The following SDK1 variants were observed in gnomAD, a reference collection of about 807,000 sequenced individuals.
The protein encoded by SDK1 is sidekick cell adhesion molecule 1.
A neutral mutation model predicts 245.5 loss-of-function variants in SDK1; 157 were observed. That is an observed-to-expected ratio of 0.64 (90% CI 0.56 to 0.73). SDK1 has a LOEUF of 0.73. SDK1 is among the 30% of genes least tolerant of loss of function. The pLI is 0.00. For missense variants in SDK1, 3,583 were observed against 3,002.3 expected, an observed-to-expected ratio of 1.19 and a Z score of -4.52; for synonymous variants, 1,647 against 1,278.5, an observed-to-expected ratio of 1.29 and a Z score of -6.15.
At chr7:3,440,759 A>G (rs905713752) in intron 1 of SDK1, among the ~76,000 whole-genome samples, 1 of 152,220 alleles carries the variant, frequency 6.6e-6, no homozygotes, top group Non-Finnish European at 1.5e-5. Flanking sequence ...AAACAGGACA[A>G]GTAAATTTAT....
chr7:3,784,973 C>A, intron 4 of SDK1, among the ~76,000 whole-genome samples: 1 of 152,162 alleles, frequency 6.6e-6, no homozygotes, highest in East Asian at 1.9e-4. Context: ...CAGCAGATAA[C>A]TGGGTAAAGA....
intron 14 of SDK1, among the ~76,000 whole-genome samples, chr7:3,999,112 A>G (rs1784883047): frequency 6.6e-6 from 1 of 152,060 alleles, no homozygotes; most frequent in Non-Finnish European, 1.5e-5. Flanking sequence ...AAAATAGGAG[A>G]TATCTCTCCC....
intron 1 of SDK1, among the ~76,000 whole-genome samples, chr7:3,577,654 G>T (rs1264666118): frequency 2.6e-5 from 4 of 152,042 alleles, no homozygotes; most frequent in African/African-American, 9.7e-5. Context: ...TGTGCTAGGA[G>T]CTGTCAATGT....
chr7:3,613,003 G>C (rs1447595644), intron 1 of SDK1, among the ~76,000 whole-genome samples: 1 of 152,072 alleles, frequency 6.6e-6, no homozygotes, highest in Non-Finnish European at 1.5e-5. Flanking sequence ...CAGGAGAAAA[G>C]GGCAAATTAT....
chr7:3,331,319 G>T (rs59673826), intron 1 of SDK1, among the ~76,000 whole-genome samples: 21,590 of 152,012 alleles, frequency 0.14, 2,316 homozygotes, highest in African/African-American at 0.3. Flanking sequence ...TACAGCAACA[G>T]AATATAGACA....
intron 1 of SDK1, among the ~76,000 whole-genome samples, chr7:3,305,154 A>G (rs1434942246): frequency 6.6e-6 from 1 of 152,190 alleles, no homozygotes; most frequent in East Asian, 1.9e-4. Flanking sequence ...TCACTTATGT[A>G]TCGTTTATTC....
intron 1 of SDK1, among the ~76,000 whole-genome samples, chr7:3,536,828 T>G (rs1778903075): frequency 6.6e-6 from 1 of 152,232 alleles, no homozygotes; most frequent in East Asian, 1.9e-4. Context: ...TTTTAACAAT[T>G]GATATTTTAT....
At chr7:3,609,591 G>T (rs768824339) in intron 1 of SDK1, among the ~76,000 whole-genome samples, 1 of 151,992 alleles carries the variant, frequency 6.6e-6, no homozygotes, top group East Asian at 1.9e-4. Context: ...CAGTAGAGAT[G>T]GGGTTTCACT....
At chr7:3,762,854 C>G in intron 4 of SDK1, among the ~76,000 whole-genome samples, 1 of 152,164 alleles carries the variant, frequency 6.6e-6, no homozygotes, top group Non-Finnish European at 1.5e-5. Context: ...TATAAAATCA[C>G]ACATTTAAAT....
intron 2 of SDK1, among the ~76,000 whole-genome samples, chr7:3,629,543 C>T (rs1007080586): frequency 2.6e-5 from 4 of 152,138 alleles, no homozygotes; most frequent in African/African-American, 9.7e-5. Context: ...ACCTCATATT[C>T]ATGAGTTTAT....
chr7:3,697,422 A>G (rs1276963659), intron 4 of SDK1, among the ~76,000 whole-genome samples: 1 of 152,214 alleles, frequency 6.6e-6, no homozygotes, highest in Non-Finnish European at 1.5e-5. Flanking sequence ...AGTGACGTTT[A>G]GCTAGTAATA....
At chr7:4,245,904 T>C in intron 44 of SDK1, 99 bp downstream of exon 44, 1 of 1,423,914 alleles carries the variant, frequency 7.0e-7, no homozygotes, top group Non-Finnish European at 9.7e-7. Context: ...TTGAGTCTCA[T>C]AACATCCCCA....
At chr7:3,452,917 A>G (rs1262384758) in intron 1 of SDK1, among the ~76,000 whole-genome samples, 1 of 151,962 alleles carries the variant, frequency 6.6e-6, no homozygotes, top group Non-Finnish European at 1.5e-5. Context: ...AACATACTTC[A>G]TTATGCTGCC....
At chr7:4,035,191 G>T (rs1255473770) in intron 17 of SDK1, among the ~76,000 whole-genome samples, 2 of 151,766 alleles carry the variant, frequency 1.3e-5, no homozygotes, top group African/African-American at 4.8e-5. Flanking sequence ...CACCATGTTG[G>T]TGAGGCTGGT....
intron 32 of SDK1, among the ~76,000 whole-genome samples, chr7:4,173,097 T>G (rs1388873120): frequency 2.0e-5 from 3 of 152,244 alleles, no homozygotes; most frequent in Admixed American, 2.0e-4. Context: ...TGCTGCGGTG[T>G]GGGTGCCTCA....
intron 1 of SDK1, among the ~76,000 whole-genome samples, chr7:3,471,580 G>C (rs561730262): frequency 6.6e-6 from 1 of 152,224 alleles, no homozygotes; most frequent in South Asian, 2.1e-4. Context: ...ATTCAATTTT[G>C]CGTATTTACA....
chr7:3,927,556 C>T (rs2128115956), intron 5 of SDK1, among the ~76,000 whole-genome samples: 1 of 152,246 alleles, frequency 6.6e-6, no homozygotes, highest in Admixed American at 6.5e-5. Flanking sequence ...AGTCAGAGGC[C>T]TCAAAGCCTG....
intron 17 of SDK1, among the ~76,000 whole-genome samples, chr7:4,031,314 T>C (rs1041851186): frequency 9.2e-5 from 14 of 152,216 alleles, no homozygotes; most frequent in African/African-American, 3.4e-4. Context: ...ATTTATAAAT[T>C]GAACTTGTAT....
chr7:3,724,277 A>G (rs1778944031), intron 4 of SDK1, among the ~76,000 whole-genome samples: 1 of 151,980 alleles, frequency 6.6e-6, no homozygotes, highest in African/African-American at 2.4e-5. Flanking sequence ...AAATTGCTGT[A>G]TGAAATAGTT....
Sources: gnomAD v4.1 joint callset for allele counts (sites outside exome capture counted in the v4.1 genomes callset) on GRCh38, gnomAD v4.1.1 for gene constraint, MANE v1.5 for transcripts, NCBI Gene and HGNC (gene_info 2026-07-23, HGNC 2026-07-21) for gene names.